SLC49A4: variants seen among roughly 807,000 people sequenced by gnomAD.
SLC49A4 encodes the protein solute carrier family 49 member 4, also known as disrupted in renal cancer protein 2.
A neutral mutation model predicts 50.6 loss-of-function variants in SLC49A4; 36 were observed. The observed-to-expected ratio is 0.71, with a 90% CI of 0.55 to 0.94. The LOEUF (loss-of-function observed/expected upper bound fraction) is 0.94. SLC49A4 is among the 40% of genes least tolerant of loss of function. The probability of loss-of-function intolerance (pLI) is 0.00; values close to 1 mark genes in which losing one functional copy is unlikely to be tolerated. For synonymous variants in SLC49A4, 248 were observed against 241.2 expected, an observed-to-expected ratio of 1.03 and a Z score of -0.26; for missense variants, 503 against 605.7, an observed-to-expected ratio of 0.83 and a Z score of 1.78.
chr3:122,857,739 A>G (rs568450520), intron 6 of SLC49A4, among the ~76,000 whole-genome samples: 1 of 152,296 alleles, frequency 6.6e-6, no homozygotes, highest in African/African-American at 2.4e-5. Context: ...TATTTTGACA[A>G]GAATCATACC....
At position 122,795,406 on chromosome 3, in the gene SLC49A4, TG is replaced by T; in HGVS notation, c.218del (p.Gly73ValfsTer46). 2 of 1,607,590 alleles carry T rather than the reference TG, an allele frequency of 1.2e-6. No individual in the cohort carries two copies. The highest frequency in any genetic ancestry group is 1.7e-6 in the Non-Finnish European group (2 of 1,178,920). On this transcript the variant is annotated frameshift_variant, in exon 1 of 9. Transcript: ENST00000261038. LOFTEE classifies it high-confidence loss of function. ...AFVQGLVWNT[W>X]GPIQNSARQA... ...CGTTCAGGGCCTGGTCTGGAACACC[TG>T]GGGTCCCATCCAGAACTCGGCGCGC... is the stretch of plus-strand genomic sequence containing the variant.
chr3:122,844,933 T>C (rs1936827992), intron 4 of SLC49A4, among the ~76,000 whole-genome samples: 1 of 152,146 alleles, frequency 6.6e-6, no homozygotes, highest in African/African-American at 2.4e-5. Context: ...TATATAGTTA[T>C]TCATATGTGT....
At chr3:122,845,616 T>G (rs1936837104) in intron 4 of SLC49A4, 147 bp from the exon 5 acceptor site, 9 of 388,264 alleles carry the variant, frequency 2.3e-5, no homozygotes, top group African/African-American at 1.1e-4. Context: ...CGTTTTTTTT[T>G]TTTTTTTTTT....
At chr3:122,815,404 T>C (rs1936351065) in intron 2 of SLC49A4, among the ~76,000 whole-genome samples, 1 of 152,200 alleles carries the variant, frequency 6.6e-6, no homozygotes, top group Non-Finnish European at 1.5e-5. Context: ...GTGTCATTTC[T>C]AGCCATATCC....
chr3:122,824,709 T>C (rs1936501329), intron 2 of SLC49A4, among the ~76,000 whole-genome samples: 1 of 146,970 alleles, frequency 6.8e-6, no homozygotes, highest in South Asian at 2.2e-4. Context: ...TTCCTTTCCT[T>C]TCCTTTCTTT....
intron 3 of SLC49A4, among the ~76,000 whole-genome samples, chr3:122,829,343 T>A (rs1936579747): frequency 6.6e-6 from 1 of 152,200 alleles, no homozygotes; most frequent in Non-Finnish European, 1.5e-5. Flanking sequence ...CATGATCATC[T>A]TAAAAGATGA....
intron 7 of SLC49A4, among the ~76,000 whole-genome samples, chr3:122,870,512 C>A (rs75429201): frequency 6.6e-6 from 1 of 150,462 alleles, no homozygotes; most frequent in Non-Finnish European, 1.5e-5. Context: ...CCAGCTTGAT[C>A]GATAGATTAT....
chr3:122,845,858 C>A lies in SLC49A4; in HGVS notation c.929C>A (p.Ala310Glu). The A allele has an allele frequency of 2.5e-6, 4 of 1,607,046 alleles. No individual in the cohort carries two copies. The highest frequency in any genetic ancestry group is 3.4e-6 in the Non-Finnish European group (4 of 1,175,538). Reference protein sequence around the residue: ...SGVLDLILTPAHVSQVDAGWI... With the variant: ...SGVLDLILTPEHVSQVDAGWI... Reference sequence around the variant, plus strand: ...GTTCTGGACTTAATTTTAACACCAGCGCATGTCAGCCAAGTAAGTATTTTA... The same window carrying A: ...GTTCTGGACTTAATTTTAACACCAGAGCATGTCAGCCAAGTAAGTATTTTA... The change falls in exon 5 of 9, where the codon GCG becomes GAG. Residue 310 changes from alanine to glutamate, a missense_variant. Ala to Glu is a moderately radical substitution (Grantham distance 107). Coordinates refer to ENST00000261038, the MANE Select transcript of SLC49A4 (RefSeq NM_032839.3).
chr3:122,837,507 T>G (rs955812344), intron 4 of SLC49A4, among the ~76,000 whole-genome samples: 18 of 152,150 alleles, frequency 1.2e-4, no homozygotes, highest in African/African-American at 4.3e-4. Flanking sequence ...TGGCTAGCCA[T>G]ATGTAGAAAG....
chr3:122,829,937 A>G (rs958053742), intron 3 of SLC49A4, among the ~76,000 whole-genome samples: 12 of 152,252 alleles, frequency 7.9e-5, no homozygotes, highest in Non-Finnish European at 1.2e-4. Context: ...GATCTTGAAT[A>G]TAGAAAATTA....
At chr3:122,873,034 G>A (rs1259814884) in intron 8 of SLC49A4, among the ~76,000 whole-genome samples, 1 of 152,092 alleles carries the variant, frequency 6.6e-6, no homozygotes, top group Non-Finnish European at 1.5e-5. Context: ...AAAGCCTGAG[G>A]GATGAATGAC....
chr3:122,803,021 A>G (rs892822095), intron 1 of SLC49A4, among the ~76,000 whole-genome samples: 2 of 152,164 alleles, frequency 1.3e-5, no homozygotes, highest in Admixed American at 6.5e-5. Context: ...GGAGTGGTGC[A>G]AGAAAATTGA....
intron 4 of SLC49A4, among the ~76,000 whole-genome samples, chr3:122,838,093 C>A (rs1488746297): frequency 2.0e-5 from 3 of 151,772 alleles, no homozygotes; most frequent in African/African-American, 7.2e-5. Context: ...AATAGGAACA[C>A]TTTTACACTG....
chr3:122,841,499 C>A (rs1006962316), intron 4 of SLC49A4, among the ~76,000 whole-genome samples: 1 of 152,192 alleles, frequency 6.6e-6, no homozygotes, highest in African/African-American at 2.4e-5. Context: ...ATAATAATAT[C>A]TTAGTGTTGC....
At chr3:122,867,858 G>A (rs1937139407) in intron 7 of SLC49A4, among the ~76,000 whole-genome samples, 1 of 151,892 alleles carries the variant, frequency 6.6e-6, no homozygotes, top group African/African-American at 2.4e-5. Flanking sequence ...GTGGGCGCCT[G>A]TAGTCCCAGC....
At chr3:122,836,098 T>C (rs1318659071) in intron 4 of SLC49A4, among the ~76,000 whole-genome samples, 1 of 152,098 alleles carries the variant, frequency 6.6e-6, no homozygotes, top group East Asian at 1.9e-4. Flanking sequence ...AAAGAAATCA[T>C]AGATGCCCAT....
At chr3:122,816,689 G>A (rs894475770) in intron 2 of SLC49A4, among the ~76,000 whole-genome samples, 1 of 152,170 alleles carries the variant, frequency 6.6e-6, no homozygotes, top group Non-Finnish European at 1.5e-5. Context: ...TCTGATCTAC[G>A]AGGTTGTCTA....
At chr3:122,815,657 C>T (rs989636019) in intron 2 of SLC49A4, among the ~76,000 whole-genome samples, 8 of 152,228 alleles carry the variant, frequency 5.3e-5, no homozygotes, top group African/African-American at 1.9e-4. Context: ...AAAGTCCTGT[C>T]CAATTAATGC....
chr3:122,876,312 A>C (rs1937267472), intron 8 of SLC49A4, among the ~76,000 whole-genome samples: 1 of 152,230 alleles, frequency 6.6e-6, no homozygotes, highest in African/African-American at 2.4e-5. Flanking sequence ...TGCTAAAAGC[A>C]TCATGATTTT....
Sources: allele counts gnomAD v4.1 joint callset (sites outside exome capture counted in the v4.1 genomes callset), GRCh38; gene constraint gnomAD v4.1.1; transcripts MANE v1.5; gene names NCBI Gene and HGNC (gene_info 2026-07-23, HGNC 2026-07-21).